The following RHBDD1 variants were observed in gnomAD, a reference collection of about 807,000 sequenced individuals.
RHBDD1 encodes rhomboid-related protein 4.
In RHBDD1, 38 loss-of-function variants were observed where a neutral mutation model predicts 36.3. The observed-to-expected ratio is 1.05, with a 90% CI of 0.81 to 1.37. RHBDD1 has a LOEUF of 1.37. RHBDD1 is among the 40% of genes most tolerant of loss of function. The pLI, the probability that RHBDD1 is intolerant of heterozygous loss-of-function variation, is 0.00. For missense variants in RHBDD1, 393 were observed against 377.6 expected, an observed-to-expected ratio of 1.04 and a Z score of -0.34; for synonymous variants, 151 against 136.5, an observed-to-expected ratio of 1.11 and a Z score of -0.74.
At chr2:226,834,471 C>T (rs552447993), upstream of RHBDD1, among the ~76,000 whole-genome samples, 2 of 152,284 alleles carry the variant, frequency 1.3e-5, no homozygotes, top group South Asian at 2.1e-4. Flanking sequence ...TTAATGAACA[C>T]GTACAATTTG....
intron 5 of RHBDD1, among the ~76,000 whole-genome samples, chr2:226,876,921 A>AT (rs754438061): frequency 6.6e-6 from 1 of 152,180 alleles, no homozygotes; most frequent in South Asian, 2.1e-4. Context: ...ATGAATGGCA[A>AT]TTTTTTTGCA....
At chr2:226,979,351 GA>G (rs575672727) in intron 8 of RHBDD1, among the ~76,000 whole-genome samples, 3 of 152,098 alleles carry the variant, frequency 2.0e-5, no homozygotes, top group African/African-American at 4.8e-5. Flanking sequence ...GTGAAAAAAG[GA>G]AAAAACTCAG....
chr2:226,870,893 G>T (rs1458513724), intron 5 of RHBDD1, among the ~76,000 whole-genome samples: 1 of 152,110 alleles, frequency 6.6e-6, no homozygotes, highest in East Asian at 1.9e-4. Flanking sequence ...ATAGGGGGAG[G>T]AGTTGGTCTT....
chr2:226,981,448 A>AG (rs942187507), intron 8 of RHBDD1, among the ~76,000 whole-genome samples: 9 of 152,122 alleles, frequency 5.9e-5, no homozygotes, highest in African/African-American at 2.2e-4. Flanking sequence ...AAAAAAAAAA[A>AG]AGATGTTAGT....
At chr2:226,920,030 C>A (rs1949198134) in intron 8 of RHBDD1, among the ~76,000 whole-genome samples, 1 of 151,532 alleles carries the variant, frequency 6.6e-6, no homozygotes, top group African/African-American at 2.4e-5. Context: ...TTGTAGATAT[C>A]TTTGACTTCT....
At chr2:226,857,422 A>T (rs1366561868) in intron 3 of RHBDD1, among the ~76,000 whole-genome samples, 1 of 152,170 alleles carries the variant, frequency 6.6e-6, no homozygotes, top group Non-Finnish European at 1.5e-5. Flanking sequence ...TGAGCCAGCA[A>T]TTTCACTCTT....
chr2:226,986,014 G>C (rs1435432521), intron 8 of RHBDD1, among the ~76,000 whole-genome samples: 1 of 152,244 alleles, frequency 6.6e-6, no homozygotes, highest in Non-Finnish European at 1.5e-5. Flanking sequence ...CCAGTGATAA[G>C]TCATGTTGAC....
At chr2:226,907,396 T>A (rs1466077544) in intron 6 of RHBDD1, among the ~76,000 whole-genome samples, 2 of 152,176 alleles carry the variant, frequency 1.3e-5, no homozygotes, top group African/African-American at 4.8e-5. Flanking sequence ...AGCTCCTGCT[T>A]TTTTTAATTT....
chr2:226,853,225 G>A (rs1028347831), intron 3 of RHBDD1, among the ~76,000 whole-genome samples: 4 of 152,164 alleles, frequency 2.6e-5, no homozygotes, highest in African/African-American at 9.7e-5. Flanking sequence ...TTATGTGAAA[G>A]AAAAGTCACT....
At chr2:226,941,261 C>T (rs1160645247) in intron 8 of RHBDD1, among the ~76,000 whole-genome samples, 6 of 152,162 alleles carry the variant, frequency 3.9e-5, no homozygotes, top group East Asian at 1.9e-4. Flanking sequence ...CCACCCCGAC[C>T]GGCCTGGACT....
At chr2:226,967,040 G>A (rs1362232314) in intron 8 of RHBDD1, among the ~76,000 whole-genome samples, 1 of 152,142 alleles carries the variant, frequency 6.6e-6, no homozygotes, top group Non-Finnish European at 1.5e-5. Context: ...GTTGTTCTGG[G>A]ATGAGGTCTG....
At chr2:226,920,245 A>G (rs6754155) in intron 8 of RHBDD1, among the ~76,000 whole-genome samples, 76,153 of 151,844 alleles carry the variant, frequency 0.5, 19,964 homozygotes, top group African/African-American at 0.67. Context: ...TGTTGATTTT[A>G]TATCCTGCAA....
chr2:226,956,667 C>T (rs1169703838), intron 8 of RHBDD1, among the ~76,000 whole-genome samples: 1 of 152,132 alleles, frequency 6.6e-6, no homozygotes, highest in Non-Finnish European at 1.5e-5. Context: ...TCCTCTTGCC[C>T]AGAAATGCTA....
intron 8 of RHBDD1, among the ~76,000 whole-genome samples, chr2:226,972,952 A>T (rs1365525787): frequency 6.6e-6 from 1 of 151,336 alleles, no homozygotes; most frequent in Non-Finnish European, 1.5e-5. Flanking sequence ...AAAACAAAAA[A>T]CCATGCAGGT....
rs182941491 is a variant in RHBDD1 at position 226,974,135 on chromosome 2, T to C, written c.857-21296T>C. Among the ~76,000 whole-genome samples the C allele has an allele frequency of 3.8e-4, 58 of 152,328 alleles. No individual in the cohort carries two copies. The South Asian group carries it at 4.6e-3, about 12-fold the overall frequency. On this transcript the variant is annotated intron_variant, in intron 8 of 8. Coordinates refer to ENST00000392062, the MANE Select transcript of RHBDD1 (RefSeq NM_001167608.3). ...TAACACTTCAAAGAAATAATTAGCA[T>C]TCTGAGTCTTCTCTGCCCTGTGCAT...
chr2:226,855,175 G>C (rs1943200898), intron 3 of RHBDD1, among the ~76,000 whole-genome samples: 1 of 152,154 alleles, frequency 6.6e-6, no homozygotes, highest in Admixed American at 6.5e-5. Context: ...GATGGTGTAT[G>C]AAGGAAAAAA....
At chr2:226,862,270 T>A (rs538116720) in intron 3 of RHBDD1, among the ~76,000 whole-genome samples, 9 of 152,276 alleles carry the variant, frequency 5.9e-5, no homozygotes, top group African/African-American at 2.2e-4. Flanking sequence ...AGGTTTTATG[T>A]TTCTTAAAGG....
intron 8 of RHBDD1, among the ~76,000 whole-genome samples, chr2:226,928,647 C>T (rs920197382): frequency 1.3e-5 from 2 of 151,764 alleles, no homozygotes; most frequent in African/African-American, 4.8e-5. Flanking sequence ...AAAAAAATAA[C>T]AAAGATCAGA....
chr2:226,877,796 A>G (rs1945368653), intron 5 of RHBDD1, among the ~76,000 whole-genome samples: 1 of 152,196 alleles, frequency 6.6e-6, no homozygotes, highest in Non-Finnish European at 1.5e-5. Flanking sequence ...TAATAAAATT[A>G]GGAATTTTAC....
Sources: allele counts gnomAD v4.1 joint callset (sites outside exome capture counted in the v4.1 genomes callset), GRCh38; gene constraint gnomAD v4.1.1; transcripts MANE v1.5; gene names NCBI Gene and HGNC (gene_info 2026-07-23, HGNC 2026-07-21).